The following PHC2 variants were observed in gnomAD, a reference collection of about 807,000 sequenced individuals.
PHC2 encodes the protein polyhomeotic homolog 2, also known as polyhomeotic-like protein 2.
PHC2 carries 29 observed loss-of-function variants against 87.4 expected under a neutral mutation model. The ratio of observed to expected loss-of-function variants is 0.33; its 90% CI spans 0.25 to 0.45. The LOEUF (loss-of-function observed/expected upper bound fraction) is 0.45, where lower values mean the gene tolerates loss of function less well. Ranked by LOEUF, PHC2 falls within the 20% of genes least tolerant of loss-of-function variation. PHC2 has a pLI of 1.00. For missense variants in PHC2, 857 were observed against 1,136.7 expected, an observed-to-expected ratio of 0.75 and a Z score of 3.54; for synonymous variants, 438 against 461.7, an observed-to-expected ratio of 0.95 and a Z score of 0.66.
intron 9 of PHC2, among the ~76,000 whole-genome samples, chr1:33,335,641 C>G (rs1033818299): frequency 3.9e-5 from 6 of 152,236 alleles, no homozygotes; most frequent in Non-Finnish European, 7.3e-5. Flanking sequence ...GCGGCTCACA[C>G]CTGTAATCTC....
At chr1:33,427,829 T>C (rs1201277369) in intron 1 of PHC2, among the ~76,000 whole-genome samples, 1 of 152,232 alleles carries the variant, frequency 6.6e-6, no homozygotes, top group Non-Finnish European at 1.5e-5. Flanking sequence ...GTTGGATAAA[T>C]ACATTAGATG....
Position 33,406,809 on chromosome 1 carries a change from T to C in PHC2, c.-55+24167A>G, listed in dbSNP as rs1033073236. Among the ~76,000 whole-genome samples, 4 of 152,304 alleles carry C rather than the reference T, an allele frequency of 2.6e-5. No homozygotes were observed. In the East Asian group the frequency reaches 7.7e-4, roughly 29 times the overall value. On this transcript the variant is annotated intron_variant, in intron 1 of 14. Coordinates refer to ENST00000683057, the MANE Select transcript of PHC2 (RefSeq NM_001385109.1). ...GGCTTCTTTAATCTGTGGATTGCTG[T>C]TTTTTATCAATTAAGGAAAATTCTC...
chr1:33,387,678 C>T (rs1648834194), intron 1 of PHC2, among the ~76,000 whole-genome samples: 2 of 152,222 alleles, frequency 1.3e-5, no homozygotes, highest in South Asian at 4.1e-4. Flanking sequence ...ATCGGAGCCC[C>T]AGAGCTAGCA....
chr1:33,376,180 G>A (rs1436065388), intron 1 of PHC2, among the ~76,000 whole-genome samples: 1 of 152,008 alleles, frequency 6.6e-6, no homozygotes, highest in Admixed American at 6.5e-5. Flanking sequence ...GATTACAGGC[G>A]ACCACCACCA....
chr1:33,426,310 A>G (rs965954443), intron 1 of PHC2, among the ~76,000 whole-genome samples: 3 of 137,862 alleles, frequency 2.2e-5, no homozygotes, highest in African/African-American at 7.6e-5. Flanking sequence ...GTGGGGTTCA[A>G]AGCTGCTGGG....
intron 1 of PHC2, among the ~76,000 whole-genome samples, chr1:33,404,966 G>A (rs1173270019): frequency 6.6e-6 from 1 of 152,166 alleles, no homozygotes; most frequent in Non-Finnish European, 1.5e-5. Flanking sequence ...TGGCTGCACA[G>A]TAGATGAGAG....
chr1:33,325,623 C>A, intron 14 of PHC2: 1 of 299,794 alleles, frequency 3.3e-6, no homozygotes, highest in South Asian at 2.8e-5. Context: ...GTTTCTAGTT[C>A]TTAGACTAAG....
chr1:33,343,586 T>C (rs1020242277), intron 9 of PHC2, among the ~76,000 whole-genome samples: 1 of 151,770 alleles, frequency 6.6e-6, no homozygotes, highest in Non-Finnish European at 1.5e-5. Context: ...CTGTCTTACA[T>C]ATAGCTGTGG....
intron 14 of PHC2, 76 bp from the exon 15 acceptor site, chr1:33,325,095 T>A: frequency 1.3e-5 from 17 of 1,308,916 alleles, no homozygotes; most frequent in Non-Finnish European, 1.7e-5. Context: ...CATCTAGTTA[T>A]CTAGATCTAG....
At chr1:33,413,767 T>C (rs1019220061) in intron 1 of PHC2, among the ~76,000 whole-genome samples, 1 of 152,210 alleles carries the variant, frequency 6.6e-6, no homozygotes, top group African/African-American at 2.4e-5. Context: ...TTCACTGCTT[T>C]ATTGTTGTTT....
intron 1 of PHC2, among the ~76,000 whole-genome samples, chr1:33,392,443 ATC>A (rs1649109226): frequency 6.6e-6 from 1 of 152,034 alleles, no homozygotes; most frequent in South Asian, 2.1e-4. Flanking sequence ...ATGGATTCTT[ATC>A]TGCCTGTATA....
chr1:33,414,864 A>G (rs1025007909), intron 1 of PHC2, among the ~76,000 whole-genome samples: 17 of 152,256 alleles, frequency 1.1e-4, no homozygotes, highest in African/African-American at 4.1e-4. Flanking sequence ...GTCAATATGT[A>G]AGTTCTCTAA....
chr1:33,427,664 T>C (rs1650736830), intron 1 of PHC2, among the ~76,000 whole-genome samples: 1 of 152,172 alleles, frequency 6.6e-6, no homozygotes, highest in Non-Finnish European at 1.5e-5. Flanking sequence ...TTCCCACTCT[T>C]TCTGTACAAT....
intron 9 of PHC2, chr1:33,345,934 G>C (rs1359262492): frequency 1.0e-6 from 1 of 985,078 alleles, no homozygotes; most frequent in Non-Finnish European, 1.2e-6. Flanking sequence ...CTCTGTTTGA[G>C]TTGTGAATAA....
chr1:33,373,105 C>T (rs1246093535), intron 2 of PHC2, among the ~76,000 whole-genome samples: 1 of 135,566 alleles, frequency 7.4e-6, no homozygotes, highest in Non-Finnish European at 1.6e-5. Flanking sequence ...AGGGACAGCA[C>T]ACTCCCCTTT....
At chr1:33,398,444 G>C (rs867972634) in intron 1 of PHC2, among the ~76,000 whole-genome samples, 16 of 152,206 alleles carry the variant, frequency 1.1e-4, no homozygotes, top group African/African-American at 3.6e-4. Context: ...TTAATGTATA[G>C]CTTAGCTGGG....
At chr1:33,346,772 GGAC>G in intron 9 of PHC2, 4 of 985,380 alleles carry the variant, frequency 4.1e-6, no homozygotes, top group Non-Finnish European at 4.8e-6. Flanking sequence ...GCCTAAAGGA[GGAC>G]AGAGACTTAA....
At position 33,367,116 on chromosome 1, in the gene PHC2, C is replaced by A; in HGVS notation, c.976G>T (p.Ala326Ser). 6.2e-7 allele frequency: 1 copy of A among 1,601,494 alleles called. No homozygotes were observed. The highest frequency in any genetic ancestry group is 8.5e-7 in the Non-Finnish European group (1 of 1,171,150). The change falls in exon 7 of 15, where the codon GCC becomes TCC. Residue 326 changes from alanine to serine, a missense_variant and splice_region_variant. Transcript: ENST00000683057. ...GATTCCTGCTTCCTGAAGACCTTAC[C>A]TGGTGCAATGAGGGGGTGGGCAGCC... ...AVAAHPLIAP[A>S]YAQLQPHQLL...
In PHC2 at chr1:33,330,097, G is replaced by C; in HGVS notation, c.2122C>G (p.Pro708Ala). The change falls in exon 13 of 15, where the codon CCA becomes GCA. Residue 708 changes from proline (P) to alanine (A), a missense_variant. Coordinates refer to ENST00000683057, the MANE Select transcript of PHC2 (RefSeq NM_001385109.1). ...TGCTTCTTGGTATCCTTGGTAAGTG[G>C]TGGCAGACTGGCTTTGCTGGCCCGA... ...RRRASKASLP[P>A]LTKDTKKQPT... is the part of the protein sequence containing the mutation. 4 of 1,614,100 alleles carry C rather than the reference G, an allele frequency of 2.5e-6. No individual in the cohort carries two copies. The highest frequency in any genetic ancestry group is 3.4e-6 in the Non-Finnish European group (4 of 1,180,012).
Sources: gnomAD v4.1 joint callset for allele counts (sites outside exome capture counted in the v4.1 genomes callset) on GRCh38, gnomAD v4.1.1 for gene constraint, MANE v1.5 for transcripts, NCBI Gene and HGNC (gene_info 2026-07-23, HGNC 2026-07-21) for gene names.